ZFAND3: variants seen among roughly 807,000 people sequenced by gnomAD.
ZFAND3 encodes the protein zinc finger AN1-type containing 3.
A neutral mutation model predicts 29.6 loss-of-function variants in ZFAND3; 10 were observed. The ratio of observed to expected loss-of-function variants is 0.34; its 90% CI spans 0.21 to 0.57. The LOEUF (loss-of-function observed/expected upper bound fraction) is 0.57, where lower values mean the gene tolerates loss of function less well. Ranked by LOEUF, ZFAND3 falls within the 20% of genes least tolerant of loss-of-function variation. The probability of loss-of-function intolerance (pLI) is 0.86; values close to 1 mark genes in which losing one functional copy is unlikely to be tolerated. For synonymous variants in ZFAND3, 128 were observed against 112.6 expected (o/e 1.14, Z -0.87); for missense variants, 230 against 304.5 (o/e 0.76, Z 1.82).
At chr6:37,990,986 A>C (rs1431401073) in intron 2 of ZFAND3, among the ~76,000 whole-genome samples, 5 of 152,256 alleles carry the variant, frequency 3.3e-5, no homozygotes. Flanking sequence ...TTAAAAGTTC[A>C]GTCAGGGATA....
intron 2 of ZFAND3, among the ~76,000 whole-genome samples, chr6:38,024,348 T>C (rs1159839938): frequency 2.0e-5 from 3 of 151,736 alleles, no homozygotes; most frequent in Non-Finnish European, 4.4e-5. Context: ...GCTGGGTGCC[T>C]ATAGTCCCAG....
intron 1 of ZFAND3, among the ~76,000 whole-genome samples, chr6:37,926,169 T>A (rs946765596): frequency 1.3e-5 from 2 of 152,234 alleles, no homozygotes; most frequent in African/African-American, 4.8e-5. Context: ...AGGATGGATC[T>A]AGCTGAATGC....
chr6:37,855,711 C>T (rs922734702), intron 1 of ZFAND3, among the ~76,000 whole-genome samples: 1 of 152,026 alleles, frequency 6.6e-6, no homozygotes, highest in East Asian at 1.9e-4. Context: ...ATTGATTTAA[C>T]CATTGTGAAA....
In ZFAND3 at chr6:38,116,703, G is replaced by A; in HGVS notation, c.493G>A (p.Glu165Lys). ...GTGCTTCCAGTGCCAAACCAAACTG[G>A]AGCTGGTGCAGCAGGAATTGGGATC... ...RRCFQCQTKLELVQQELGSCR... is the reference protein window; with the variant it reads ...RRCFQCQTKLKLVQQELGSCR... Residue 165 changes from glutamate (E) to lysine (K), a missense_variant, in exon 5 of 6, where the codon GAG (glutamate) becomes AAG (lysine). Glu to Lys is a moderately conservative substitution (Grantham distance 56). This residue lies in a region of ZFAND3 where 50 missense variants were observed against 102.0 expected (regional missense o/e 0.49). Coordinates refer to ENST00000287218, the MANE Select transcript of ZFAND3 (RefSeq NM_021943.3). 3 of 1,614,122 alleles carry A rather than the reference G, an allele frequency of 1.9e-6. No individual in the cohort carries two copies. Among genetic ancestry groups the A allele is most frequent in the Non-Finnish European group, 2.5e-6 (3 of 1,179,982 alleles).
intron 1 of ZFAND3, among the ~76,000 whole-genome samples, chr6:37,917,047 C>T (rs1345968899): frequency 6.6e-6 from 1 of 152,194 alleles, no homozygotes; most frequent in Non-Finnish European, 1.5e-5. Flanking sequence ...GTGATGCTGA[C>T]ATAGTGTTAA....
At chr6:38,008,268 T>C (rs1258745460) in intron 2 of ZFAND3, among the ~76,000 whole-genome samples, 2 of 152,240 alleles carry the variant, frequency 1.3e-5, no homozygotes, top group Non-Finnish European at 2.9e-5. Context: ...GCATTAATGA[T>C]AATATAGCTT....
chr6:38,126,967 C>G (rs1307348530), intron 5 of ZFAND3, among the ~76,000 whole-genome samples: 5 of 151,486 alleles, frequency 3.3e-5, no homozygotes, highest in Middle Eastern at 3.4e-3. Flanking sequence ...TTTTATATCA[C>G]TTTTTGAATA....
intron 2 of ZFAND3, among the ~76,000 whole-genome samples, chr6:37,997,017 A>G (rs574137499): frequency 1.3e-5 from 2 of 152,296 alleles, no homozygotes; most frequent in East Asian, 3.9e-4. Flanking sequence ...GGAGAGTCAC[A>G]TGTACTCTAG....
At chr6:38,098,468 T>C (rs1249225606) in intron 4 of ZFAND3, among the ~76,000 whole-genome samples, 1 of 151,268 alleles carries the variant, frequency 6.6e-6, no homozygotes, top group Non-Finnish European at 1.5e-5. Flanking sequence ...AACTTCTAAA[T>C]GAATGTTGTA....
intron 1 of ZFAND3, among the ~76,000 whole-genome samples, chr6:37,893,473 T>G (rs1581740196): frequency 6.6e-6 from 1 of 152,228 alleles, no homozygotes; most frequent in African/African-American, 2.4e-5. Context: ...CTGTGTTATT[T>G]TAGTGGTTAC....
At chr6:38,023,404 A>G (rs963940779) in intron 2 of ZFAND3, among the ~76,000 whole-genome samples, 1 of 151,552 alleles carries the variant, frequency 6.6e-6, no homozygotes, top group African/African-American at 2.4e-5. Context: ...ATATTTTAAA[A>G]AGATTTGAGA....
At chr6:38,020,981 A>G (rs1349564872) in intron 2 of ZFAND3, among the ~76,000 whole-genome samples, 2 of 152,250 alleles carry the variant, frequency 1.3e-5, no homozygotes, top group African/African-American at 4.8e-5. Context: ...CAGCTGGGTC[A>G]AATTTATTAG....
At chr6:37,885,163 T>G (rs1233455939) in intron 1 of ZFAND3, among the ~76,000 whole-genome samples, 1 of 127,150 alleles carries the variant, frequency 7.9e-6, no homozygotes, top group African/African-American at 2.7e-5. Context: ...GGAGAAATGA[T>G]TAACATGTTT....
intron 3 of ZFAND3, among the ~76,000 whole-genome samples, chr6:38,068,260 T>C (rs1462280600): frequency 6.6e-6 from 1 of 152,186 alleles, no homozygotes; most frequent in Non-Finnish European, 1.5e-5. Context: ...TTTATTCTTT[T>C]AAACAACTGA....
chr6:37,952,145 G>A (rs1762009338), intron 2 of ZFAND3, among the ~76,000 whole-genome samples: 1 of 152,124 alleles, frequency 6.6e-6, no homozygotes, highest in Non-Finnish European at 1.5e-5. Context: ...GTTCATCAGG[G>A]ATATTGGTGT....
intron 1 of ZFAND3, among the ~76,000 whole-genome samples, chr6:37,920,258 C>T (rs969116234): frequency 1.6e-4 from 24 of 151,432 alleles, no homozygotes; most frequent in Non-Finnish European, 1.6e-4. Flanking sequence ...TTGATAGCCT[C>T]ATTAAGTTTC....
intron 1 of ZFAND3, among the ~76,000 whole-genome samples, chr6:37,889,419 C>T (rs547821137): frequency 3.8e-4 from 58 of 152,262 alleles, no homozygotes; most frequent in African/African-American, 1.2e-3. Context: ...ATTTTGATTT[C>T]TCCCCTGGCA....
chr6:37,939,483 T>G (rs1454598110), intron 2 of ZFAND3, among the ~76,000 whole-genome samples: 1 of 152,122 alleles, frequency 6.6e-6, no homozygotes, highest in Non-Finnish European at 1.5e-5. Context: ...CTGCAGAAGC[T>G]TTTTTTCCCA....
intron 5 of ZFAND3, among the ~76,000 whole-genome samples, chr6:38,132,472 A>G (rs1486314917): frequency 3.9e-5 from 6 of 152,162 alleles, no homozygotes. Context: ...ATGTCCCTGC[A>G]CTCCAGCCAG....
Sources: allele counts gnomAD v4.1 joint callset (sites outside exome capture counted in the v4.1 genomes callset), GRCh38; gene constraint gnomAD v4.1.1; regional missense constraint gnomAD v4.1.1; transcripts MANE v1.5; gene names NCBI Gene and HGNC (gene_info 2026-07-23, HGNC 2026-07-21).